Variants in OBP2A observed in about 807,000 individuals in gnomAD.
OBP2A encodes odorant binding protein 2A.
Under a neutral mutation model 21.9 loss-of-function variants are expected in OBP2A, and 15 were observed. The ratio of observed to expected loss-of-function variants is 0.69; its 90% confidence interval spans 0.46 to 1.06. OBP2A has a LOEUF of 1.06. Among genes scored for constraint, OBP2A ranks in the 50% least tolerant of loss-of-function variants. OBP2A has a pLI of 0.00. For synonymous variants in OBP2A, 86 were observed against 91.8 expected (o/e 0.94, Z 0.36); for missense variants, 192 against 220.1 (o/e 0.87, Z 0.81).
rs149715359 is a variant in OBP2A, at chr9:135,547,222, C to T, written c.251C>T (p.Thr84Met). Residue 84 changes from threonine (T) to methionine (M), a missense_variant, in exon 3 of 7, where the codon ACG becomes ATG. Coordinates refer to ENST00000371776, the MANE Select transcript of OBP2A (RefSeq NM_014582.3). The part of the protein sequence containing the change: ...CIQKKILMRK[T>M]EEPGKFSAYG... The stretch of plus-strand genomic sequence containing the variant: ...CAGAAGAAAATCCTGATGCGGAAGA[C>T]GGAGGAGCCTGGCAAATTCAGCGCC... 118 of 1,613,270 alleles carry T rather than the reference C, an allele frequency of 7.3e-5. No individual in the cohort carries two copies. Among genetic ancestry groups the T allele is most frequent in the African/African-American group, 6.1e-4 (46 of 74,876 alleles).
chr9:135,549,573 C>T (rs1199790755), intron 6 of OBP2A: 4 of 597,304 alleles, frequency 6.7e-6, no homozygotes, highest in Non-Finnish European at 1.2e-5. Context: ...CTTTCCACAG[C>T]GAGGCCTCCC....
chr9:135,549,244 C>T lies in OBP2A; in HGVS notation c.491-64C>T, dbSNP rs45557537. The stretch of plus-strand genomic sequence containing the variant: ...GTCTGGGGCTCTGAGCCCTGGGCTG[C>T]GATGGGGTCTGGGCCCTGGTCTAGG... On this transcript the variant is annotated intron_variant, in intron 5 of 6. Coordinates refer to ENST00000371776, the MANE Select transcript of OBP2A (RefSeq NM_014582.3). 138 of 997,190 alleles carry T rather than the reference C, an allele frequency of 1.4e-4. 10 individuals carry two copies. In the African/African-American group the frequency reaches 2.1e-3, roughly 15 times the overall value. 61.8% of individuals were successfully genotyped at this position (997,190 alleles called of 1,614,324 possible). A position where few individuals can be genotyped will look rare whatever the true frequency, so the allele number is the denominator to read the frequency against.
chr9:135,547,711 C>G (rs530562062), intron 3 of OBP2A, among the ~76,000 whole-genome samples, 160 bp from the exon 4 acceptor site: 1 of 152,236 alleles, frequency 6.6e-6, no homozygotes, highest in Non-Finnish European at 1.5e-5. Flanking sequence ...CTCCTGCCTC[C>G]GTGTCCGGGT....
rs762312791 is a variant in OBP2A, at chr9:135,547,198, A to G, written c.227A>G (p.Gln76Arg). ...TCCAGGAGGGAGGATCGGTGCATCC[A>G]GAAGAAAATCCTGATGCGGAAGACG... Reference protein sequence around the residue: ...FTFMREDRCIQKKILMRKTEE... With the variant: ...FTFMREDRCIRKKILMRKTEE... The change falls in exon 3 of 7, where the codon CAG becomes CGG. Residue 76 changes from glutamine (Q) to arginine (R), a missense_variant. By Grantham distance (43) the Gln-to-Arg change is conservative (BLOSUM62 1). Transcript: ENST00000371776. 1 of 1,612,822 alleles carries G rather than the reference A, an allele frequency of 6.2e-7. No homozygotes were observed. The highest frequency in any genetic ancestry group is 1.1e-5 in the South Asian group (1 of 91,024).
At chr9:135,548,859 A>G in intron 5 of OBP2A, 50 bp downstream of exon 5, 5 of 1,589,414 alleles carry the variant, frequency 3.1e-6, no homozygotes, top group Non-Finnish European at 4.3e-6. Flanking sequence ...TCTCTGTGTG[A>G]TCTCCAGTGT....
At chr9:135,548,424 C>T (rs1832012267) in intron 4 of OBP2A, among the ~76,000 whole-genome samples, 1 of 152,074 alleles carries the variant, frequency 6.6e-6, no homozygotes, top group Non-Finnish European at 1.5e-5. Context: ...TTGGACCCTG[C>T]CACTGTCCCC....
intron 6 of OBP2A, chr9:135,549,599 T>C (rs1036868307): frequency 1.8e-5 from 11 of 596,910 alleles, no homozygotes; most frequent in African/African-American, 3.7e-5. Context: ...CTCCCTCAGG[T>C]GTCAGCTCGG....
chr9:135,548,788 A>G lies in OBP2A; in HGVS notation c.469A>G (p.Ile157Val), dbSNP rs1832026253. 2 of 1,613,652 alleles carry G rather than the reference A, an allele frequency of 1.2e-6. No homozygotes were observed. The highest frequency in any genetic ancestry group is 2.7e-5 in the African/African-American group (2 of 74,870). The change falls in exon 5 of 7, where the codon ATT (isoleucine) becomes GTT (valine). Residue 157 changes from isoleucine (I) to valine (V), a missense_variant. Transcript: ENST00000371776. ...VQHKGLSEED[I>V]FMPLQTGSCV... ...GCACAAGGGACTCTCGGAGGAGGAC[A>G]TTTTCATGCCCCTGCAGACGGGTGA...
chr9:135,549,916 A>T lies in OBP2A; in HGVS notation c.*81A>T. On this transcript the variant is annotated 3_prime_UTR_variant, in exon 7 of 7. Transcript: ENST00000371776. ...GACCACCTGGACCTACCCTCCAGCC[A>T]TGACCCTTCCCTGCTCCCACCCACC... 6.5e-7 allele frequency: 1 copy of T among 1,546,706 alleles called. No homozygotes were observed. The highest frequency in any genetic ancestry group is 1.2e-5 in the South Asian group (1 of 83,548).
At chr9:135,549,627 C>A in intron 6 of OBP2A, 1 of 595,782 alleles carries the variant, frequency 1.7e-6, no homozygotes. Context: ...CCCCCTGCAC[C>A]TGTCCCCACT....
intron 6 of OBP2A, 74 bp from the exon 7 acceptor site, chr9:135,549,763 G>A (rs1488566574): frequency 2.4e-5 from 24 of 1,000,278 alleles, no homozygotes; most frequent in Admixed American, 1.1e-4. Flanking sequence ...TGCAGAGCCT[G>A]GGGAGGGAGC....
intron 3 of OBP2A, among the ~76,000 whole-genome samples, 189 bp downstream of exon 3, chr9:135,547,437 C>G (rs1296841555): frequency 6.6e-6 from 1 of 152,168 alleles, no homozygotes; most frequent in East Asian, 1.9e-4. Flanking sequence ...ACAGGCTTGT[C>G]CACAGTAGAG....
intron 4 of OBP2A, 100 bp from the exon 5 acceptor site, chr9:135,548,608 C>T (rs578185697): frequency 3.1e-5 from 49 of 1,561,046 alleles, no homozygotes; most frequent in Non-Finnish European, 3.8e-5. Context: ...GCCTCTCCCC[C>T]GTCCTGATGC....
At chr9:135,549,648 C>T (rs1696945462) in intron 6 of OBP2A, 189 bp from the exon 7 acceptor site, 3 of 591,886 alleles carry the variant, frequency 5.1e-6, no homozygotes, top group South Asian at 4.2e-5. Context: ...CGGTCTACTC[C>T]CCCCCACCCA....
chr9:135,548,570 C>A, intron 4 of OBP2A, 138 bp from the exon 5 acceptor site: 1 of 1,282,176 alleles, frequency 7.8e-7, no homozygotes, highest in Non-Finnish European at 1.1e-6. Flanking sequence ...GTCCCCAGCC[C>A]CACCCCTGAG....
At chr9:135,547,847 AC>A in intron 3 of OBP2A, 23 bp from the exon 4 acceptor site, 5 of 1,525,464 alleles carry the variant, frequency 3.3e-6, no homozygotes, top group Non-Finnish European at 4.5e-6. Flanking sequence ...GGCACTGAAG[AC>A]CCATCTTCTC....
chr9:135,548,485 C>G (rs1832014500), intron 4 of OBP2A, among the ~76,000 whole-genome samples: 1 of 151,834 alleles, frequency 6.6e-6, no homozygotes, highest in Admixed American at 6.6e-5. Flanking sequence ...TGTCCCCAGT[C>G]CCACCCCTGA....
Position 135,548,763 on chromosome 9 carries a change from G to C in OBP2A, c.444G>C (p.Gln148His), listed in dbSNP as rs1241591738. 3 of 1,614,054 alleles carry C rather than the reference G, an allele frequency of 1.9e-6. No individual in the cohort carries two copies. The African/African-American group carries it at 4.0e-5, about 22-fold the overall frequency. Residue 148 changes from glutamine to histidine, a missense_variant, in exon 5 of 7, where the codon CAG becomes CAC. Physicochemically the swap from Gln to His is conservative, Grantham distance 24. Coordinates refer to ENST00000371776, the MANE Select transcript of OBP2A (RefSeq NM_014582.3). Reference sequence around the variant, plus strand: ...TGGAAGAATTTAAGAAATTGGTGCAGCACAAGGGACTCTCGGAGGAGGACA... The same window carrying C: ...TGGAAGAATTTAAGAAATTGGTGCACCACAAGGGACTCTCGGAGGAGGACA... ...EALEEFKKLV[Q>H]HKGLSEEDIF...
In OBP2A at chr9:135,547,167, C is replaced by G. The variant is rs746837596; in HGVS notation, c.207-11C>G. The G allele has an allele frequency of 2.5e-6, 4 of 1,611,970 alleles. No homozygotes were observed. The East Asian group carries it at 8.9e-5, about 36-fold the overall frequency. On this transcript the variant is annotated splice_polypyrimidine_tract_variant and intron_variant, in intron 2 of 6. Transcript: ENST00000371776. ...CTGGGAGCCGCTGCCCGAGTGTCTCCTGTTTTCCAGGAGGGAGGATCGGTG... is the reference window on the plus strand; with the variant it reads ...CTGGGAGCCGCTGCCCGAGTGTCTCGTGTTTTCCAGGAGGGAGGATCGGTG...
Sources: allele counts gnomAD v4.1 joint callset (sites outside exome capture counted in the v4.1 genomes callset), GRCh38; gene constraint gnomAD v4.1.1; transcripts MANE v1.5; gene names NCBI Gene and HGNC (gene_info 2026-07-23, HGNC 2026-07-21).